The following PTGFRN variants were observed in gnomAD, a reference collection of about 807,000 sequenced individuals.
PTGFRN encodes the protein prostaglandin F2 receptor negative regulator.
PTGFRN carries 35 observed loss-of-function variants against 83.2 expected under a neutral mutation model. The observed-to-expected ratio is 0.42, with a 90% CI of 0.32 to 0.56. The LOEUF is 0.56. PTGFRN is among the 20% of genes least tolerant of loss of function. The pLI is 0.11. For synonymous variants in PTGFRN, 519 were observed against 498.6 expected (o/e 1.04, Z -0.55); for missense variants, 1,051 against 1,179.5 (o/e 0.89, Z 1.60).
intron 1 of PTGFRN, among the ~76,000 whole-genome samples, chr1:116,920,319 T>C (rs2250849): frequency 0.17 from 25,637 of 152,218 alleles, 4,486 homozygotes; most frequent in African/African-American, 0.44. Flanking sequence ...ACAGTAAAAC[T>C]AATAAGCCAT....
rs140355100 is a variant in PTGFRN at position 116,986,926 on chromosome 1, C to A, written c.2599C>A (p.Arg867=). ...WCCKKEVQET[R]RERRRLMSME... ...TTGTAAGAAGGAGGTTCAGGAGACA[C>A]GGCGCGAGCGCCGCAGGCTCATGTC... The change falls in exon 9 of 9, where the codon CGG becomes AGG. Residue 867 remains arginine, a synonymous_variant. Transcript: ENST00000393203. The A allele has an allele frequency of 1.9e-6, 3 of 1,614,124 alleles. No individual in the cohort carries two copies. The highest frequency in any genetic ancestry group is 2.5e-6 in the Non-Finnish European group (3 of 1,180,042).
chr1:116,924,420 C>T (rs1356591884), intron 1 of PTGFRN, among the ~76,000 whole-genome samples: 2 of 152,206 alleles, frequency 1.3e-5, no homozygotes, highest in East Asian at 1.9e-4. Context: ...GCTGGGATTA[C>T]AGGCGTGAGC....
intron 1 of PTGFRN, among the ~76,000 whole-genome samples, chr1:116,919,793 G>A (rs1040382241): frequency 2.6e-5 from 4 of 152,252 alleles, no homozygotes; most frequent in Non-Finnish European, 5.9e-5. Flanking sequence ...ACACTGAAAG[G>A]AATTGATATA....
At position 116,952,323 on chromosome 1, in the gene PTGFRN, G is replaced by T. The variant is rs1364898777; in HGVS notation, c.1213+2751G>T. ...GATTGGGGTCTTCTAGAGTTCCACTGTGCTAAGCAGGAAGACGGGGCAATG... is the reference window on the plus strand; with the variant it reads ...GATTGGGGTCTTCTAGAGTTCCACTTTGCTAAGCAGGAAGACGGGGCAATG... On this transcript the variant is annotated intron_variant, in intron 4 of 8. Transcript: ENST00000393203. The surrounding 1 kb of genome is among the most constrained non-coding windows in gnomAD (Gnocchi z 4.0). Among the ~76,000 whole-genome samples the T allele has an allele frequency of 2.0e-5, 3 of 152,124 alleles. No homozygotes were observed. The highest frequency in any genetic ancestry group is 4.4e-5 in the Non-Finnish European group (3 of 68,026).
chr1:116,967,286 C>T lies in PTGFRN; in HGVS notation c.2015C>T (p.Ala672Val), dbSNP rs771661128. The change falls in exon 6 of 9, where the codon GCA becomes GTA. Residue 672 changes from alanine (A) to valine (V), a missense_variant. Ala to Val is a moderately conservative substitution (Grantham distance 64). Transcript: ENST00000393203. ...AGGGGCAGCCTTTGGCGAGAAGCAG[C>T]AACCAGTCTCTCCAATCCTATTGAG... The part of the protein sequence containing the change: ...PVRGSLWREA[A>V]TSLSNPIEID... 3 of 1,614,060 alleles carry T rather than the reference C, an allele frequency of 1.9e-6. No individual in the cohort carries two copies. The highest frequency in any genetic ancestry group is 1.7e-6 in the Non-Finnish European group (2 of 1,180,008).
At chr1:116,949,113 A>G in intron 3 of PTGFRN, 79 bp from the exon 4 acceptor site, 1 of 1,488,246 alleles carries the variant, frequency 6.7e-7, no homozygotes, top group South Asian at 1.4e-5. Context: ...ACTTAAAAGG[A>G]GATGCTTTAA....
At chr1:116,950,912 A>G (rs1473769969) in intron 4 of PTGFRN, among the ~76,000 whole-genome samples, 1 of 152,192 alleles carries the variant, frequency 6.6e-6, no homozygotes, top group Non-Finnish European at 1.5e-5. Context: ...ACTGAACTGG[A>G]ACAATGTTGG....
intron 3 of PTGFRN, among the ~76,000 whole-genome samples, chr1:116,945,736 T>C (rs1650186070): frequency 6.8e-6 from 1 of 147,452 alleles, no homozygotes; most frequent in East Asian, 2.0e-4. Context: ...CTGTCGTCTG[T>C]GAATCAGCTT....
intron 2 of PTGFRN, among the ~76,000 whole-genome samples, chr1:116,943,195 C>G (rs1570656641): frequency 6.6e-6 from 1 of 152,170 alleles, no homozygotes; most frequent in African/African-American, 2.4e-5. Flanking sequence ...TGTTCCCTCA[C>G]TAGACTCATC....
intron 1 of PTGFRN, among the ~76,000 whole-genome samples, chr1:116,937,761 C>T (rs1338302111): frequency 6.6e-6 from 1 of 152,142 alleles, no homozygotes; most frequent in Non-Finnish European, 1.5e-5. Flanking sequence ...TAGGAAATTC[C>T]TCTGTAAACC....
intron 1 of PTGFRN, among the ~76,000 whole-genome samples, chr1:116,931,452 A>G (rs1246334313): frequency 6.6e-6 from 1 of 150,956 alleles, no homozygotes; most frequent in South Asian, 2.1e-4. Context: ...ATCTTATCTT[A>G]CATTTGTCTA....
At chr1:116,980,813 C>T (rs975744910) in intron 7 of PTGFRN, among the ~76,000 whole-genome samples, 14 of 152,080 alleles carry the variant, frequency 9.2e-5, no homozygotes, top group African/African-American at 2.7e-4. Flanking sequence ...ATGTAACAAA[C>T]CTGCACGTTG....
intron 1 of PTGFRN, among the ~76,000 whole-genome samples, chr1:116,925,657 C>T (rs1425149903): frequency 6.6e-6 from 1 of 152,166 alleles, no homozygotes; most frequent in African/African-American, 2.4e-5. Context: ...TCTGCCTTCC[C>T]TAAAAAGCTG....
intron 1 of PTGFRN, among the ~76,000 whole-genome samples, chr1:116,925,107 A>G (rs1649620670): frequency 6.6e-6 from 1 of 151,884 alleles, no homozygotes; most frequent in Admixed American, 6.5e-5. Flanking sequence ...TGGGTAGTTT[A>G]CTTTAGGCAG....
At chr1:116,948,184 TA>T (rs1032162204) in intron 3 of PTGFRN, among the ~76,000 whole-genome samples, 1 of 152,176 alleles carries the variant, frequency 6.6e-6, no homozygotes, top group African/African-American at 2.4e-5. Flanking sequence ...GTCATCTAAG[TA>T]ATTGTTCCCG....
intron 3 of PTGFRN, 110 bp from the exon 4 acceptor site, chr1:116,949,082 A>C (rs1650268162): frequency 3.7e-6 from 5 of 1,362,442 alleles, no homozygotes. Flanking sequence ...AAGCCTTCTA[A>C]CTTTAATGCT....
chr1:116,950,727 G>T (rs1248126807), intron 4 of PTGFRN, among the ~76,000 whole-genome samples: 1 of 152,128 alleles, frequency 6.6e-6, no homozygotes, highest in Non-Finnish European at 1.5e-5. Flanking sequence ...GAGAAGAAGA[G>T]CAATGAGAGT....
intron 1 of PTGFRN, among the ~76,000 whole-genome samples, chr1:116,915,028 A>T (rs964897722): frequency 6.6e-6 from 1 of 152,232 alleles, no homozygotes; most frequent in African/African-American, 2.4e-5. Context: ...AAGGAAACTG[A>T]TGCCCAGAAA....
At chr1:116,965,473 C>T (rs924396892) in intron 5 of PTGFRN, among the ~76,000 whole-genome samples, 13 of 151,960 alleles carry the variant, frequency 8.6e-5, no homozygotes, top group African/African-American at 2.2e-4. Flanking sequence ...TTTAGAGGCA[C>T]GGGGTTTTGC....
Sources: allele counts gnomAD v4.1 joint callset (sites outside exome capture counted in the v4.1 genomes callset), GRCh38; gene constraint gnomAD v4.1.1; non-coding constraint Gnocchi (gnomAD v3.1); transcripts MANE v1.5; gene names NCBI Gene and HGNC (gene_info 2026-07-23, HGNC 2026-07-21).